Variants in ASAP1 observed in about 807,000 individuals in gnomAD.
The protein encoded by ASAP1 is arf-GAP with SH3 domain, ANK repeat and PH domain-containing protein 1.
ASAP1 carries 43 observed loss-of-function variants against 145.2 expected under a neutral mutation model. The ratio of observed to expected loss-of-function variants is 0.30; its 90% confidence interval spans 0.23 to 0.38. ASAP1 has a LOEUF of 0.38. Among genes scored for constraint, ASAP1 ranks in the 10% least tolerant of loss-of-function variants. The pLI is 1.00. For synonymous variants in ASAP1, 546 were observed against 515.5 expected (o/e 1.06, Z -0.80); for missense variants, 1,018 against 1,355.3 (o/e 0.75, Z 3.91).
At chr8:130,173,953 C>A (rs772875607) in intron 9 of ASAP1, among the ~76,000 whole-genome samples, 2 of 150,856 alleles carry the variant, frequency 1.3e-5, no homozygotes, top group Admixed American at 6.6e-5. Context: ...TGGCAGCATG[C>A]GCCTGTAGTC....
chr8:130,239,741 T>C (rs1818415492), intron 3 of ASAP1, among the ~76,000 whole-genome samples: 1 of 152,172 alleles, frequency 6.6e-6, no homozygotes, highest in Admixed American at 6.6e-5. Flanking sequence ...GTCATTGTTT[T>C]AAAATGCTAA....
intron 3 of ASAP1, among the ~76,000 whole-genome samples, chr8:130,353,687 T>C (rs954568322): frequency 1.3e-5 from 2 of 152,106 alleles, no homozygotes; most frequent in Non-Finnish European, 2.9e-5. Flanking sequence ...CTGGCCAACA[T>C]GATGAAACTG....
At chr8:130,228,226 A>G (rs758611854) in intron 4 of ASAP1, among the ~76,000 whole-genome samples, 1 of 152,142 alleles carries the variant, frequency 6.6e-6, no homozygotes, top group Non-Finnish European at 1.5e-5. Flanking sequence ...TCTACCTAGG[A>G]GCATCCTAGC....
chr8:130,182,935 A>G (rs903948967), intron 7 of ASAP1, among the ~76,000 whole-genome samples: 3 of 151,682 alleles, frequency 2.0e-5, no homozygotes, highest in African/African-American at 7.3e-5. Flanking sequence ...AAAAACACTG[A>G]AAAAATAACC....
At chr8:130,248,516 T>C (rs1003095615) in intron 3 of ASAP1, among the ~76,000 whole-genome samples, 1 of 151,982 alleles carries the variant, frequency 6.6e-6, no homozygotes, top group Non-Finnish European at 1.5e-5. Context: ...GAAAGGGCCA[T>C]GGTAAGGAGA....
At chr8:130,099,309 G>C (rs1341405479) in intron 24 of ASAP1, among the ~76,000 whole-genome samples, 1 of 151,830 alleles carries the variant, frequency 6.6e-6, no homozygotes, top group Non-Finnish European at 1.5e-5. Flanking sequence ...CTCCCGAGTA[G>C]CTGGGACTAC....
chr8:130,152,464 A>T (rs941812165), intron 13 of ASAP1: 1 of 262,728 alleles, frequency 3.8e-6, no homozygotes, highest in Non-Finnish European at 7.1e-6. Flanking sequence ...GGTTTTTCAG[A>T]ACAATCAATA....
At chr8:130,238,655 T>C (rs1424736392) in intron 3 of ASAP1, among the ~76,000 whole-genome samples, 2 of 152,132 alleles carry the variant, frequency 1.3e-5, no homozygotes, top group Non-Finnish European at 2.9e-5. Context: ...TCTCTTTGCA[T>C]TGCATCTTTA....
intron 27 of ASAP1, among the ~76,000 whole-genome samples, chr8:130,071,205 G>C (rs1245057510): frequency 5.3e-5 from 8 of 152,102 alleles, no homozygotes; most frequent in Non-Finnish European, 8.8e-5. Context: ...TCCAACTCCT[G>C]ACTTCAATCC....
At chr8:130,068,384 A>G (rs1298171470) in intron 27 of ASAP1, among the ~76,000 whole-genome samples, 2 of 152,184 alleles carry the variant, frequency 1.3e-5, no homozygotes, top group African/African-American at 4.8e-5. Context: ...GGTTACCAAG[A>G]AGGTAGTCAA....
chr8:130,340,723 C>T (rs1825321832), intron 3 of ASAP1: 2 of 298,710 alleles, frequency 6.7e-6, no homozygotes, highest in South Asian at 5.8e-5. Context: ...ATTTATTGAT[C>T]TTCTCTAAGC....
At chr8:130,270,406 G>A (rs1820516235) in intron 3 of ASAP1, among the ~76,000 whole-genome samples, 1 of 152,132 alleles carries the variant, frequency 6.6e-6, no homozygotes, top group Admixed American at 6.5e-5. Context: ...CATTCTTTCT[G>A]TCTGATCTGT....
chr8:130,348,981 G>A (rs529844612), intron 3 of ASAP1, among the ~76,000 whole-genome samples: 11 of 152,342 alleles, frequency 7.2e-5, no homozygotes, highest in Non-Finnish European at 2.9e-5. Flanking sequence ...AGGACTCGAC[G>A]AGTGGGGTGT....
chr8:130,066,496 C>T (rs1017384925), intron 27 of ASAP1, among the ~76,000 whole-genome samples: 1 of 152,196 alleles, frequency 6.6e-6, no homozygotes, highest in Non-Finnish European at 1.5e-5. Context: ...AAGGCTTGAG[C>T]CACAATACCT....
intron 5 of ASAP1, among the ~76,000 whole-genome samples, chr8:130,193,156 G>T (rs1433403727): frequency 6.6e-6 from 1 of 152,148 alleles, no homozygotes; most frequent in East Asian, 1.9e-4. Flanking sequence ...ATCACTTGAG[G>T]TCAGGAGTTT....
At chr8:130,362,227 A>T (rs995412282) in intron 2 of ASAP1, among the ~76,000 whole-genome samples, 6 of 152,112 alleles carry the variant, frequency 3.9e-5, no homozygotes, top group Admixed American at 3.3e-4. Context: ...CTGACCAGAA[A>T]CCAGAGGTGG....
intron 3 of ASAP1, among the ~76,000 whole-genome samples, chr8:130,269,920 C>T (rs549356426): frequency 1.2e-4 from 18 of 152,246 alleles, no homozygotes; most frequent in Middle Eastern, 3.4e-3. Flanking sequence ...CTATTATCCC[C>T]GCACTTTGGG....
chr8:130,066,881 TG>T (rs2097432007), intron 27 of ASAP1, among the ~76,000 whole-genome samples: 2 of 152,332 alleles, frequency 1.3e-5, no homozygotes, highest in Admixed American at 1.3e-4. Flanking sequence ...GTATTAAAAT[TG>T]TGAAGAGGCC....
At chr8:130,203,235 T>A (rs559596519) in intron 5 of ASAP1, among the ~76,000 whole-genome samples, 2 of 152,208 alleles carry the variant, frequency 1.3e-5, no homozygotes, top group African/African-American at 4.8e-5. Flanking sequence ...TAGAAAGCAC[T>A]GCATTGGACA....
Sources: allele counts gnomAD v4.1 joint callset (sites outside exome capture counted in the v4.1 genomes callset), GRCh38; gene constraint gnomAD v4.1.1; transcripts MANE v1.5; gene names NCBI Gene and HGNC (gene_info 2026-07-23, HGNC 2026-07-21).